The following TXNRD2 variants were observed in gnomAD, a reference collection of about 807,000 sequenced individuals.
The protein encoded by TXNRD2 is thioredoxin reductase 2, also known as thioredoxin reductase 2, mitochondrial.
A neutral mutation model predicts 70.8 loss-of-function variants in TXNRD2; 67 were observed. The ratio of observed to expected loss-of-function variants is 0.95; its 90% CI spans 0.78 to 1.16. The LOEUF (loss-of-function observed/expected upper bound fraction) is 1.16, where lower values mean the gene tolerates loss of function less well. Among genes scored for constraint, TXNRD2 ranks in the 50% most tolerant of loss-of-function variants. The pLI is 0.00. For missense variants in TXNRD2, 644 were observed against 719.9 expected, an observed-to-expected ratio of 0.89 and a Z score of 1.21; for synonymous variants, 301 against 295.8, an observed-to-expected ratio of 1.02 and a Z score of -0.18.
At chr22:19,938,031 T>C (rs1199487928) in intron 1 of TXNRD2, 2 of 152,242 alleles carry the variant, frequency 1.3e-5, no homozygotes, top group African/African-American at 4.8e-5. Context: ...AGTACAATGC[T>C]TGTCTACCTC....
At chr22:19,905,389 T>C (rs1181582997) in intron 8 of TXNRD2, among the ~76,000 whole-genome samples, 3 of 152,070 alleles carry the variant, frequency 2.0e-5, no homozygotes, top group Admixed American at 6.6e-5. Flanking sequence ...CTGAACAAAA[T>C]ATCTGGAGCT....
intron 9 of TXNRD2, among the ~76,000 whole-genome samples, chr22:19,898,639 C>T (rs1230993600): frequency 6.6e-6 from 1 of 151,872 alleles, no homozygotes; most frequent in African/African-American, 2.4e-5. Flanking sequence ...CTCAGCCTCC[C>T]AAGTAGCTGG....
intron 11 of TXNRD2, among the ~76,000 whole-genome samples, chr22:19,889,906 G>A (rs1035395501): frequency 8.5e-6 from 1 of 117,766 alleles, no homozygotes; most frequent in Admixed American, 8.8e-5. Context: ...TCACCATGTT[G>A]TTCTTTTTTT....
At chr22:19,936,751 C>G (rs2146106463) in intron 1 of TXNRD2, among the ~76,000 whole-genome samples, 1 of 152,306 alleles carries the variant, frequency 6.6e-6, no homozygotes, top group East Asian at 1.9e-4. Context: ...TTCTCACACT[C>G]TTATACCAGT....
chr22:19,904,808 G>A (rs737862), intron 8 of TXNRD2, among the ~76,000 whole-genome samples: 2 of 151,924 alleles, frequency 1.3e-5, no homozygotes, highest in South Asian at 2.1e-4. Flanking sequence ...CGTGAGTTGC[G>A]CACCTGGCCT....
intron 17 of TXNRD2, 192 bp downstream of exon 17, chr22:19,876,848 G>C: frequency 5.1e-6 from 2 of 391,244 alleles, no homozygotes; most frequent in Non-Finnish European, 9.2e-6. Context: ...GGGGTCCCCC[G>C]GGGAGGTTTG....
chr22:19,897,982 G>T (rs1939587175), intron 10 of TXNRD2, 57 bp downstream of exon 10: 4 of 1,416,264 alleles, frequency 2.8e-6, no homozygotes, highest in Non-Finnish European at 3.9e-6. Context: ...CTGGGAGGGG[G>T]CTGTGGGAGG....
intron 11 of TXNRD2, among the ~76,000 whole-genome samples, chr22:19,892,735 C>T (rs746535140): frequency 2.0e-5 from 3 of 152,030 alleles, no homozygotes; most frequent in Non-Finnish European, 2.9e-5. Flanking sequence ...AGGGCTAGGG[C>T]GCGGTGGGAG....
At chr22:19,878,311 G>C in intron 15 of TXNRD2, 55 bp downstream of exon 15, 2 of 1,604,500 alleles carry the variant, frequency 1.2e-6, no homozygotes, top group Non-Finnish European at 1.7e-6. Context: ...ACCCTGCCAG[G>C]CTCTTTGCCA....
At chr22:19,912,472 A>AGGGCC (rs1940456934) in intron 7 of TXNRD2, among the ~76,000 whole-genome samples, 1 of 152,200 alleles carries the variant, frequency 6.6e-6, no homozygotes, top group Non-Finnish European at 1.5e-5. Context: ...GGTGCAGAGC[A>AGGGCC]GGGCCGGGCC....
At chr22:19,928,311 G>A (rs937778896) in intron 2 of TXNRD2, among the ~76,000 whole-genome samples, 1 of 152,074 alleles carries the variant, frequency 6.6e-6, no homozygotes, top group Non-Finnish European at 1.5e-5. Flanking sequence ...CCAAAAGGTG[G>A]AAACAATTCA....
intron 12 of TXNRD2, 162 bp from the exon 13 acceptor site, chr22:19,880,879 T>A (rs1397398687): frequency 9.7e-6 from 6 of 617,628 alleles, no homozygotes; most frequent in Non-Finnish European, 1.7e-5. Context: ...GAGCTCGTCC[T>A]CCTGAGGGGC....
chr22:19,881,487 G>A (rs1938778882), intron 12 of TXNRD2: 1 of 171,662 alleles, frequency 5.8e-6, no homozygotes, highest in African/African-American at 2.4e-5. Flanking sequence ...AGGGACCACT[G>A]GTTGGGTGTT....
intron 9 of TXNRD2, among the ~76,000 whole-genome samples, chr22:19,898,744 C>T (rs995038410): frequency 6.6e-6 from 1 of 151,980 alleles, no homozygotes; most frequent in African/African-American, 2.4e-5. Flanking sequence ...CTCTCCTGAC[C>T]CTCCCTGTCT....
intron 1 of TXNRD2, among the ~76,000 whole-genome samples, chr22:19,941,452 C>T (rs1392841806): frequency 6.6e-6 from 1 of 152,174 alleles, no homozygotes; most frequent in South Asian, 2.1e-4. Flanking sequence ...TGGGAGACCA[C>T]AGGTGCAGTC....
At chr22:19,876,934 G>A (rs1242771162) in intron 17 of TXNRD2, 106 bp downstream of exon 17, 6 of 731,336 alleles carry the variant, frequency 8.2e-6, no homozygotes, top group South Asian at 3.2e-5. Flanking sequence ...TCTGGGTGGC[G>A]TGGCAGGTGT....
intron 2 of TXNRD2, 119 bp downstream of exon 2, chr22:19,930,911 G>T: frequency 1.1e-6 from 1 of 885,114 alleles, no homozygotes; most frequent in Non-Finnish European, 1.9e-6. Flanking sequence ...AGAGGCCACT[G>T]GGGTGACCCC....
intron 8 of TXNRD2, among the ~76,000 whole-genome samples, chr22:19,909,575 C>CCATTCACACACAG (rs761210628): frequency 8.2e-6 from 1 of 121,576 alleles, no homozygotes; most frequent in Admixed American, 8.4e-5. Flanking sequence ...CATACACACA[C>CCATTCACACACAG]CACACACACA....
At chr22:19,927,604 A>C (rs1002481313) in intron 2 of TXNRD2, among the ~76,000 whole-genome samples, 8 of 144,580 alleles carry the variant, frequency 5.5e-5, no homozygotes, top group Non-Finnish European at 1.1e-4. Flanking sequence ...CAGTGAGCCG[A>C]GATTGCACCA....
Sources: allele counts gnomAD v4.1 joint callset (sites outside exome capture counted in the v4.1 genomes callset), GRCh38; gene constraint gnomAD v4.1.1; transcripts MANE v1.5; gene names NCBI Gene and HGNC (gene_info 2026-07-23, HGNC 2026-07-21).